Variants in CAST observed in about 807,000 individuals in gnomAD.
CAST encodes MIR583 host.
Under a neutral mutation model 119.6 loss-of-function variants are expected in CAST, and 76 were observed. The ratio of observed to expected loss-of-function variants is 0.64; its 90% confidence interval spans 0.53 to 0.77. The LOEUF is 0.77. Ranked by LOEUF, CAST falls within the 30% of genes least tolerant of loss-of-function variation. CAST has a pLI of 0.00. For synonymous variants in CAST, 319 were observed against 331.6 expected, an observed-to-expected ratio of 0.96 and a Z score of 0.41; for missense variants, 953 against 946.5, an observed-to-expected ratio of 1.01 and a Z score of -0.09.
chr5:96,014,196 A>G, the CAST span, among the ~76,000 whole-genome samples: 1 of 151,146 alleles, frequency 6.6e-6, no homozygotes, highest in Non-Finnish European at 1.5e-5. Flanking sequence ...TAAGACATGA[A>G]CACACACATT....
At chr5:96,615,330 G>A (rs916284785) in intron 1 of CAST, among the ~76,000 whole-genome samples, 2 of 152,208 alleles carry the variant, frequency 1.3e-5, no homozygotes, top group South Asian at 2.1e-4. Context: ...AGCTGTACAG[G>A]ATGGCATTTG....
chr5:96,178,263 C>T, the CAST span, among the ~76,000 whole-genome samples: 1 of 152,042 alleles, frequency 6.6e-6, no homozygotes, highest in East Asian at 1.9e-4. Flanking sequence ...ATGCCTTTGC[C>T]CATCATTAGC....
chr5:96,410,678 C>T, the CAST span: 23 of 1,004,498 alleles, frequency 2.3e-5, no homozygotes, highest in African/African-American at 1.4e-4. Context: ...CAAGCTTAAG[C>T]GAATCAGTCG....
At chr5:96,067,127 G>T in the CAST span, among the ~76,000 whole-genome samples, 5 of 152,148 alleles carry the variant, frequency 3.3e-5, no homozygotes, top group South Asian at 4.1e-4. Context: ...TTATATTCAG[G>T]TTCCTATAAT....
At chr5:96,565,751 C>T (rs561228432) in intron 1 of CAST, among the ~76,000 whole-genome samples, 1 of 152,286 alleles carries the variant, frequency 6.6e-6, no homozygotes, top group South Asian at 2.1e-4. Context: ...GTGAGGGGAA[C>T]AGCCATCTCC....
the CAST span, among the ~76,000 whole-genome samples, chr5:96,222,504 G>A: frequency 3.9e-5 from 6 of 151,990 alleles, no homozygotes; most frequent in Non-Finnish European, 5.9e-5. Context: ...ACAGGTATAC[G>A]ACAAAATGCT....
At chr5:96,132,014 CA>C in the CAST span, among the ~76,000 whole-genome samples, 1 of 152,080 alleles carries the variant, frequency 6.6e-6, no homozygotes, top group South Asian at 2.1e-4. Flanking sequence ...TAGAACATTT[CA>C]AAACTGTTCA....
the CAST span, among the ~76,000 whole-genome samples, chr5:96,303,957 A>T: frequency 2.0e-5 from 3 of 152,178 alleles, no homozygotes; most frequent in Non-Finnish European, 4.4e-5. Context: ...TCCTTTGGGT[A>T]TATACCCAGT....
chr5:96,488,372 A>G, the CAST span, among the ~76,000 whole-genome samples: 3 of 152,342 alleles, frequency 2.0e-5, no homozygotes, highest in African/African-American at 7.2e-5. Flanking sequence ...ACAGCTAAAA[A>G]AAAACCCTAA....
chr5:96,138,032 C>G, the CAST span, among the ~76,000 whole-genome samples: 1 of 151,808 alleles, frequency 6.6e-6, no homozygotes, highest in Non-Finnish European at 1.5e-5. Context: ...ATAGGTTGTG[C>G]TTTTGGTGTT....
the CAST span, among the ~76,000 whole-genome samples, chr5:96,173,096 C>T: frequency 2.5e-3 from 381 of 152,270 alleles, 1 homozygote; most frequent in African/African-American, 8.9e-3. Context: ...GCATAGATAC[C>T]GACTGGCTGG....
At chr5:96,415,024 C>A in the CAST span, among the ~76,000 whole-genome samples, 3 of 152,144 alleles carry the variant, frequency 2.0e-5, no homozygotes, top group Non-Finnish European at 4.4e-5. Flanking sequence ...AAATGTTCTA[C>A]AATTGATTCT....
chr5:96,259,156 A>C, the CAST span, among the ~76,000 whole-genome samples: 1 of 152,190 alleles, frequency 6.6e-6, no homozygotes, highest in Admixed American at 6.5e-5. Flanking sequence ...TGCAAAGTGG[A>C]AGTGTATTTT....
At chr5:96,470,638 A>G in the CAST span, among the ~76,000 whole-genome samples, 1 of 152,058 alleles carries the variant, frequency 6.6e-6, no homozygotes, top group African/African-American at 2.4e-5. Flanking sequence ...GTGCTAATTT[A>G]TTTTAGGAAT....
intron 1 of CAST, among the ~76,000 whole-genome samples, chr5:96,616,449 G>T (rs566282285): frequency 6.6e-6 from 1 of 152,120 alleles, no homozygotes; most frequent in East Asian, 1.9e-4. Flanking sequence ...AGGAATTCCA[G>T]CCTCATGTAT....
At chr5:96,373,740 T>A in the CAST span, among the ~76,000 whole-genome samples, 1 of 152,038 alleles carries the variant, frequency 6.6e-6, no homozygotes, top group African/African-American at 2.4e-5. Context: ...ATTTCTTTTT[T>A]TCTTCTCTTT....
intron 1 of CAST, among the ~76,000 whole-genome samples, chr5:96,632,602 T>C (rs1046351801): frequency 1.3e-5 from 2 of 151,832 alleles, no homozygotes; most frequent in African/African-American, 2.4e-5. Context: ...ATCTTTTGAG[T>C]TTTATATACA....
the CAST span, chr5:96,393,325 G>C: frequency 6.2e-7 from 1 of 1,614,108 alleles, no homozygotes; most frequent in East Asian, 2.2e-5. Context: ...TGCTGCTGCT[G>C]GGGCTTTTGG....
the CAST span, among the ~76,000 whole-genome samples, chr5:96,100,903 A>G: frequency 3.3e-5 from 5 of 152,160 alleles, no homozygotes; most frequent in African/African-American, 9.7e-5. Flanking sequence ...AATATAAATA[A>G]ATAAATATGT....
Sources: allele counts gnomAD v4.1 joint callset (sites outside exome capture counted in the v4.1 genomes callset), GRCh38; gene constraint gnomAD v4.1.1; transcripts MANE v1.5; gene names NCBI Gene and HGNC (gene_info 2026-07-23, HGNC 2026-07-21).